The following BGN variants were observed in gnomAD, a reference collection of about 807,000 sequenced individuals.
BGN encodes bone/cartilage proteoglycan-I.
A neutral mutation model predicts 20.0 loss-of-function variants in BGN; 6 were observed. That is an observed-to-expected ratio of 0.30 (90% CI 0.16 to 0.59). BGN has a LOEUF of 0.59. BGN is among the 20% of genes least tolerant of loss of function. The probability of loss-of-function intolerance (pLI) is 0.88; values close to 1 mark genes in which losing one functional copy is unlikely to be tolerated. For synonymous variants in BGN, 146 were observed against 134.6 expected (o/e 1.08, Z -0.59); for missense variants, 292 against 312.1 (o/e 0.94, Z 0.49).
chrX:153,500,343 G>A (rs1210502462), intron 1 of BGN, among the ~76,000 whole-genome samples: 3 of 112,338 alleles, frequency 2.7e-5, no homozygotes, highest in African/African-American at 9.7e-5. Flanking sequence ...GCTCTAAAGA[G>A]ATGGTATCCA....
At chrX:153,503,985 T>C (rs1402351111) in intron 1 of BGN, among the ~76,000 whole-genome samples, 8 of 111,827 alleles carry the variant, frequency 7.2e-5, no homozygotes, top group African/African-American at 2.6e-4. Flanking sequence ...CAGCCAACTT[T>C]ACCCACGGCC....
At position 153,499,685 on chromosome X, in the gene BGN, C is replaced by T. The variant is rs565752659; in HGVS notation, c.-12+4572C>T. Among the ~76,000 whole-genome samples, 47 of 113,335 alleles carry T rather than the reference C, an allele frequency of 4.1e-4. 2 individuals carry two copies. The South Asian group carries it at 0.016, about 39-fold the overall frequency. ...CACTCCCACAGATGAACGCACACGC[C>T]GGGCTTTGGCAAGGCCAGGGAGGGT... On this transcript the variant is annotated intron_variant, in intron 1 of 7. Coordinates refer to ENST00000331595, the MANE Select transcript of BGN (RefSeq NM_001711.6).
intron 1 of BGN, among the ~76,000 whole-genome samples, chrX:153,501,049 T>C (rs782599188): frequency 2.2e-4 from 24 of 111,600 alleles, no homozygotes; most frequent in African/African-American, 7.5e-4. Flanking sequence ...TGTGCATGTA[T>C]GTGGATGCAT....
chrX:153,505,095 T>C, intron 2 of BGN, 143 bp from the exon 3 acceptor site: 1 of 578,712 alleles, frequency 1.7e-6, no homozygotes, highest in South Asian at 2.9e-5. Flanking sequence ...CGGTCCTCCC[T>C]ACCAGTGGGG....
chrX:153,507,013 A>T, intron 6 of BGN, 34 bp from the exon 7 acceptor site: 3 of 1,209,262 alleles, frequency 2.5e-6, no homozygotes, highest in Non-Finnish European at 3.4e-6. Flanking sequence ...CCTTACCTCC[A>T]GCCTTTGAGT....
chrX:153,502,718 C>T (rs978409575), intron 1 of BGN, among the ~76,000 whole-genome samples: 1 of 112,993 alleles, frequency 8.9e-6, no homozygotes, highest in African/African-American at 3.2e-5. Context: ...TCGGTGCTGC[C>T]CCAGCAGGGG....
chrX:153,502,360 C>T (rs782172521), intron 1 of BGN, among the ~76,000 whole-genome samples: 12 of 111,859 alleles, frequency 1.1e-4, no homozygotes, highest in Admixed American at 6.5e-4. Flanking sequence ...GCAGGGGCAT[C>T]GGCAAGGAGG....
Position 153,509,089 on chromosome X carries a change from GT to G in BGN, c.*645del. On this transcript the variant is annotated 3_prime_UTR_variant, in exon 8 of 8. Coordinates refer to ENST00000331595, the MANE Select transcript of BGN (RefSeq NM_001711.6). ...TGTGTGTGTGTGTGTGTGTGTGTGT[GT>G]GTGTGTGTGTGTGTGTCTTGTGCTT... is the stretch of plus-strand genomic sequence containing the variant. 1 of 110,435 alleles carries G rather than the reference GT, an allele frequency of 9.1e-6. No homozygotes were observed. The highest frequency in any genetic ancestry group is 9.9e-5 in the Admixed American group (1 of 10,145). The allele number at this position is 110,435 out of a possible 1,213,427, so 9.1% of individuals were successfully genotyped here. A position where few individuals can be genotyped will look rare whatever the true frequency, so the allele number is the denominator to read the frequency against.
chrX:153,500,950 A>G (rs2089754962), intron 1 of BGN, among the ~76,000 whole-genome samples: 1 of 110,818 alleles, frequency 9.0e-6, no homozygotes, highest in African/African-American at 3.3e-5. Flanking sequence ...GAATGTGTAT[A>G]CATGGGTATG....
intron 7 of BGN, 62 bp downstream of exon 7, chrX:153,507,247 C>T (rs1292805217): frequency 3.6e-6 from 4 of 1,124,095 alleles, no homozygotes; most frequent in Non-Finnish European, 3.5e-6. Context: ...CGTGTGTGTC[C>T]CCGGGCAGTC....
chrX:153,502,455 T>C (rs2089767347), intron 1 of BGN, among the ~76,000 whole-genome samples: 1 of 112,010 alleles, frequency 8.9e-6, no homozygotes, highest in Non-Finnish European at 1.9e-5. Flanking sequence ...CTGCTCCTCC[T>C]CCTCCTCCTC....
rs781809995 is a variant in BGN at position 153,504,600 on chromosome X, T to C, written c.-11-21T>C. The C allele has an allele frequency of 3.5e-6, 4 of 1,129,452 alleles. No individual in the cohort carries two copies. In the South Asian group the frequency reaches 7.7e-5, roughly 22 times the overall value. 93.1% of individuals were successfully genotyped at this position (1,129,452 alleles called of 1,213,427 possible). A position where few individuals can be genotyped will look rare whatever the true frequency, so the allele number is the denominator to read the frequency against. On this transcript the variant is annotated intron_variant, in intron 1 of 7. Coordinates refer to ENST00000331595, the MANE Select transcript of BGN (RefSeq NM_001711.6). Reference sequence around the variant, plus strand: ...GACAGGTGGGTGCTGGTGCTGATGATCCCCTCGCCTCTTCCCCCAGGTCCA... The same window carrying C: ...GACAGGTGGGTGCTGGTGCTGATGACCCCCTCGCCTCTTCCCCCAGGTCCA...
At chrX:153,508,218 C>A (rs1556993693) in intron 7 of BGN, 30 bp from the exon 8 acceptor site, 2 of 1,203,884 alleles carry the variant, frequency 1.7e-6, no homozygotes, top group Non-Finnish European at 1.1e-6. Context: ...GGGAGGGAGG[C>A]CTGCCGTGAC....
Position 153,505,864 on chromosome X carries a change from C to A in BGN, c.353C>A (p.Ala118Asp). 1 of 1,210,018 alleles carries A rather than the reference C, an allele frequency of 8.3e-7. No individual in the cohort carries two copies. The highest frequency in any genetic ancestry group is 1.1e-6 in the Non-Finnish European group (1 of 894,501). The change falls in exon 4 of 8, where the codon GCC becomes GAC. Residue 118 changes from alanine to aspartate, a missense_variant and splice_region_variant. Coordinates refer to ENST00000331595, the MANE Select transcript of BGN (RefSeq NM_001711.6). ...DDFKGLQHLY[A>D]LVLVNNKISK... Reference sequence around the variant, plus strand: ...CCTCCTCCGCCCACCCTGCTTCAGGCCCTCGTCCTGGTGAACAACAAGATC... The same window carrying A: ...CCTCCTCCGCCCACCCTGCTTCAGGACCTCGTCCTGGTGAACAACAAGATC...
chrX:153,503,257 C>T (rs1339735005), intron 1 of BGN, among the ~76,000 whole-genome samples: 1 of 112,415 alleles, frequency 8.9e-6, no homozygotes, highest in Non-Finnish European at 1.9e-5. Flanking sequence ...CCCACGGCCT[C>T]CTTAGACCCC....
At chrX:153,507,421 G>A (rs1252005192) in intron 7 of BGN, among the ~76,000 whole-genome samples, 1 of 112,729 alleles carries the variant, frequency 8.9e-6, no homozygotes, top group Non-Finnish European at 1.9e-5. Flanking sequence ...CAGGTGGGTC[G>A]GACACCAGAA....
In BGN at chrX:153,509,247, G is replaced by A; in HGVS notation, c.*802G>A. The A allele has an allele frequency of 8.8e-6, 1 of 113,929 alleles. No homozygotes were observed. The allele number at this position is 113,929 out of a possible 1,213,427, so 9.4% of individuals were successfully genotyped here. A position where few individuals can be genotyped will look rare whatever the true frequency, so the allele number is the denominator to read the frequency against. On this transcript the variant is annotated 3_prime_UTR_variant, in exon 8 of 8. Transcript: ENST00000331595. Reference sequence around the variant, plus strand: ...GCTGGGACTGCTTTCTGTCTGTCCGGCCTGCACCCAGCCCCTGCCCACAAA... The same window carrying A: ...GCTGGGACTGCTTTCTGTCTGTCCGACCTGCACCCAGCCCCTGCCCACAAA...
Position 153,505,930 on chromosome X carries a change from T to G in BGN, c.419T>G (p.Leu140Arg). The stretch of plus-strand genomic sequence containing the variant: ...AAGGCCTTCAGCCCACTGCGGAAGC[T>G]GCAGAAGCTCTACATCTCCAAGAAC... ...HEKAFSPLRK[L>R]QKLYISKNHL... Residue 140 changes from leucine to arginine, a missense_variant, in exon 4 of 8, where the codon CTG becomes CGG. Transcript: ENST00000331595. 8.3e-7 allele frequency: 1 copy of G among 1,211,952 alleles called. No homozygotes were observed. The highest frequency in any genetic ancestry group is 1.1e-6 in the Non-Finnish European group (1 of 895,553).
intron 1 of BGN, among the ~76,000 whole-genome samples, chrX:153,496,707 A>AG (rs1160963683): frequency 4.5e-5 from 5 of 112,216 alleles, no homozygotes; most frequent in Admixed American, 1.9e-4. Flanking sequence ...TGGGAAAGGA[A>AG]GGGGGGTGTT....
Sources: gnomAD v4.1 joint callset for allele counts (sites outside exome capture counted in the v4.1 genomes callset) on GRCh38, gnomAD v4.1.1 for gene constraint, MANE v1.5 for transcripts, NCBI Gene and HGNC (gene_info 2026-07-23, HGNC 2026-07-21) for gene names.